Variants in FHOD3 observed in about 807,000 individuals in gnomAD.
The protein encoded by FHOD3 is formin homology 2 domain containing 3.
A neutral mutation model predicts 173.0 loss-of-function variants in FHOD3; 90 were observed. The observed-to-expected ratio is 0.52, with a 90% CI of 0.44 to 0.62. FHOD3 has a LOEUF of 0.62. FHOD3 is among the 20% of genes least tolerant of loss of function. The pLI, the probability that FHOD3 is intolerant of heterozygous loss-of-function variation, is 0.00. For synonymous variants in FHOD3, 828 were observed against 823.0 expected, an observed-to-expected ratio of 1.01 and a Z score of -0.10; for missense variants, 1,945 against 2,034.7, an observed-to-expected ratio of 0.96 and a Z score of 0.85.
intron 3 of FHOD3, among the ~76,000 whole-genome samples, chr18:36,445,677 T>C (rs563108977): frequency 6.6e-6 from 1 of 152,204 alleles, no homozygotes; most frequent in Non-Finnish European, 1.5e-5. Flanking sequence ...AGCTTTGCTT[T>C]ACCTCAATAT....
intron 3 of FHOD3, among the ~76,000 whole-genome samples, chr18:36,482,442 A>G (rs780315192): frequency 6.3e-5 from 8 of 127,434 alleles, no homozygotes; most frequent in Non-Finnish European, 1.4e-4. Flanking sequence ...CAGGGTGACC[A>G]CTGCGTGACC....
At chr18:36,410,394 T>A (rs2049295673) in intron 3 of FHOD3, among the ~76,000 whole-genome samples, 1 of 152,254 alleles carries the variant, frequency 6.6e-6, no homozygotes, top group African/African-American at 2.4e-5. Context: ...ATGTTGTTTG[T>A]CTATTCACCA....
At chr18:36,342,093 T>C (rs1458122013) in intron 1 of FHOD3, among the ~76,000 whole-genome samples, 1 of 151,240 alleles carries the variant, frequency 6.6e-6, no homozygotes, top group African/African-American at 2.4e-5. Context: ...AAGTATGGAG[T>C]AAATGGTTCA....
chr18:36,329,916 A>T (rs373576205), intron 1 of FHOD3, among the ~76,000 whole-genome samples: 1 of 152,202 alleles, frequency 6.6e-6, no homozygotes, highest in Non-Finnish European at 1.5e-5. Flanking sequence ...AATCAAATCA[A>T]TTGATAATGC....
At chr18:36,426,936 G>A (rs963763164) in intron 3 of FHOD3, among the ~76,000 whole-genome samples, 1 of 152,182 alleles carries the variant, frequency 6.6e-6, no homozygotes, top group Non-Finnish European at 1.5e-5. Context: ...TTAGAAGTAA[G>A]CACACACAAC....
At chr18:36,328,292 G>C (rs2044779254) in intron 1 of FHOD3, among the ~76,000 whole-genome samples, 1 of 152,142 alleles carries the variant, frequency 6.6e-6, no homozygotes, top group Non-Finnish European at 1.5e-5. Flanking sequence ...TCTGAAGACA[G>C]GGCAATGGAG....
At chr18:36,517,065 G>T (rs2056028122) in intron 5 of FHOD3, among the ~76,000 whole-genome samples, 1 of 152,102 alleles carries the variant, frequency 6.6e-6, no homozygotes, top group Non-Finnish European at 1.5e-5. Flanking sequence ...GATAGGTTTA[G>T]TTACAGTGTA....
chr18:36,439,096 A>G (rs932800796), intron 3 of FHOD3, among the ~76,000 whole-genome samples: 3 of 151,944 alleles, frequency 2.0e-5, no homozygotes, highest in Admixed American at 6.6e-5. Context: ...GCTAAATGGG[A>G]AAAAAAACAG....
intron 17 of FHOD3, among the ~76,000 whole-genome samples, chr18:36,699,852 T>C (rs973586931): frequency 6.6e-6 from 1 of 152,184 alleles, no homozygotes; most frequent in Admixed American, 6.5e-5. Context: ...GCCTTTTGAA[T>C]TTGTAACTTC....
chr18:36,407,668 C>T (rs891472014), intron 3 of FHOD3, among the ~76,000 whole-genome samples: 4 of 152,072 alleles, frequency 2.6e-5, no homozygotes, highest in Admixed American at 1.3e-4. Flanking sequence ...TAGGCTGCTT[C>T]TCTAAACTCT....
chr18:36,516,967 G>C (rs1163760947), intron 5 of FHOD3, among the ~76,000 whole-genome samples: 1 of 151,434 alleles, frequency 6.6e-6, no homozygotes, highest in Non-Finnish European at 1.5e-5. Flanking sequence ...GTCTTTATTT[G>C]CATACACAGC....
At chr18:36,472,436 C>T (rs2053335815) in intron 3 of FHOD3, among the ~76,000 whole-genome samples, 1 of 152,150 alleles carries the variant, frequency 6.6e-6, no homozygotes, top group Admixed American at 6.5e-5. Context: ...AAAATTCTCC[C>T]TTTTAAAGTG....
At chr18:36,597,672 C>T (rs554516964) in intron 7 of FHOD3, among the ~76,000 whole-genome samples, 68 of 152,272 alleles carry the variant, frequency 4.5e-4, no homozygotes, top group Non-Finnish European at 7.9e-4. Flanking sequence ...GTGATCCACC[C>T]GCCTTGGCCT....
chr18:36,599,065 T>C (rs1447840224), intron 7 of FHOD3, among the ~76,000 whole-genome samples: 2 of 152,170 alleles, frequency 1.3e-5, no homozygotes, highest in Non-Finnish European at 2.9e-5. Context: ...TGGGAGCCCT[T>C]AGAGAGCCTT....
intron 10 of FHOD3, among the ~76,000 whole-genome samples, chr18:36,644,355 A>T (rs1385500844): frequency 6.6e-6 from 1 of 152,250 alleles, no homozygotes; most frequent in East Asian, 1.9e-4. Flanking sequence ...TATTATTAGC[A>T]TAAAAATCAT....
At chr18:36,461,683 A>C (rs1343330854) in intron 3 of FHOD3, among the ~76,000 whole-genome samples, 1 of 152,188 alleles carries the variant, frequency 6.6e-6, no homozygotes, top group Non-Finnish European at 1.5e-5. Flanking sequence ...CATTGCTTTC[A>C]TAGGGAAATT....
At chr18:36,609,756 T>C (rs547440017) in intron 8 of FHOD3, among the ~76,000 whole-genome samples, 1 of 152,164 alleles carries the variant, frequency 6.6e-6, no homozygotes, top group South Asian at 2.1e-4. Flanking sequence ...ATTACAAGCA[T>C]GTGCCACCAC....
chr18:36,372,536 G>A, intron 2 of FHOD3, 144 bp from the exon 3 acceptor site: 1 of 577,600 alleles, frequency 1.7e-6, no homozygotes, highest in East Asian at 2.8e-5. Context: ...CATTATTTCA[G>A]GATAGATTCT....
rs552250954 is a variant in FHOD3 at position 36,317,539 on chromosome 18, G to T, written c.165+19539G>T. Among the ~76,000 whole-genome samples the T allele has an allele frequency of 2.6e-5, 4 of 152,278 alleles. No individual in the cohort carries two copies. The East Asian group carries it at 7.7e-4, about 29-fold the overall frequency. On this transcript the variant is annotated intron_variant, in intron 1 of 28. Coordinates refer to ENST00000590592, the MANE Select transcript of FHOD3 (RefSeq NM_001281740.3). ...AAATGTCTTCTTCTGAGAATTATCTGTTCATATCCTTTGCCCACTTTTTGA... is the reference window on the plus strand; with the variant it reads ...AAATGTCTTCTTCTGAGAATTATCTTTTCATATCCTTTGCCCACTTTTTGA...
Sources: gnomAD v4.1 joint callset for allele counts (sites outside exome capture counted in the v4.1 genomes callset) on GRCh38, gnomAD v4.1.1 for gene constraint, MANE v1.5 for transcripts, NCBI Gene and HGNC (gene_info 2026-07-23, HGNC 2026-07-21) for gene names.